SLC4A4: variants seen among roughly 807,000 people sequenced by gnomAD.
SLC4A4 encodes electrogenic sodium bicarbonate cotransporter 1.
SLC4A4 carries 27 observed loss-of-function variants against 111.5 expected under a neutral mutation model. That is an observed-to-expected ratio of 0.24 (90% CI 0.18 to 0.33). SLC4A4 has a LOEUF of 0.33. Ranked by LOEUF, SLC4A4 falls within the 10% of genes least tolerant of loss-of-function variation. The pLI is 1.00. For missense variants in SLC4A4, 909 were observed against 1,315.5 expected (o/e 0.69, Z 4.78); for synonymous variants, 443 against 463.4 (o/e 0.96, Z 0.57).
intron 15 of SLC4A4, among the ~76,000 whole-genome samples, chr4:71,493,338 G>A (rs760990602): frequency 6.6e-6 from 1 of 151,890 alleles, no homozygotes; most frequent in Non-Finnish European, 1.5e-5. Flanking sequence ...ACTCTAAATT[G>A]AAAGTTTATT....
chr4:71,478,977 A>G (rs1458997451), intron 14 of SLC4A4, among the ~76,000 whole-genome samples: 2 of 151,792 alleles, frequency 1.3e-5, no homozygotes, highest in Admixed American at 6.6e-5. Context: ...AGGCACATTA[A>G]TATTTTGAAA....
At chr4:71,469,349 G>T (rs1003743575) in intron 13 of SLC4A4, among the ~76,000 whole-genome samples, 1 of 151,492 alleles carries the variant, frequency 6.6e-6, no homozygotes, top group South Asian at 2.1e-4. Flanking sequence ...TTTTTAATTC[G>T]TCCATGATAT....
rs1034753687 is a variant in SLC4A4 at position 71,311,896 on chromosome 4, A to C, written c.254-27474A>C. Among the ~76,000 whole-genome samples, 1,218 of 145,492 alleles carry C rather than the reference A, an allele frequency of 8.4e-3. 17 individuals carry two copies. Among genetic ancestry groups the C allele is most frequent in the African/African-American group, 0.024 (922 of 38,812 alleles). On this transcript the variant is annotated intron_variant, in intron 3 of 25. Transcript: ENST00000264485. ...GAGCAAATGTGCAAGGCTGTGAGAG[A>C]GAGAGAGAGAGAGAGAGAGAGAGAG...
intron 6 of SLC4A4, among the ~76,000 whole-genome samples, chr4:71,374,557 G>T (rs2148938287): frequency 6.6e-6 from 1 of 152,106 alleles, no homozygotes; most frequent in East Asian, 1.9e-4. Context: ...TGTTTATCCT[G>T]AATTTATGAA....
intron 3 of SLC4A4, among the ~76,000 whole-genome samples, chr4:71,333,691 C>G (rs900045010): frequency 1.3e-5 from 2 of 152,178 alleles, no homozygotes; most frequent in Non-Finnish European, 2.9e-5. Flanking sequence ...CTTTAGGAAT[C>G]TATTTGGTAC....
chr4:71,457,599 T>C lies in SLC4A4; in HGVS notation c.1497+3930T>C, dbSNP rs1041302505. Among the ~76,000 whole-genome samples, 13 of 152,246 alleles carry C rather than the reference T, an allele frequency of 8.5e-5. No homozygotes were observed. The South Asian group carries it at 2.7e-3, about 32-fold the overall frequency. On this transcript the variant is annotated intron_variant, in intron 12 of 25. Transcript: ENST00000264485. ...TCCGAAGTCTGAGAATTATGTGACA[T>C]TCTTATTTTCCTTTTCTTATAGTAA...
chr4:71,356,314 G>A (rs544412916), intron 5 of SLC4A4, among the ~76,000 whole-genome samples: 8 of 151,776 alleles, frequency 5.3e-5, no homozygotes, highest in African/African-American at 1.9e-4. Flanking sequence ...TTTTTTTTTG[G>A]TAGTAAGACT....
intron 2 of SLC4A4, among the ~76,000 whole-genome samples, chr4:71,162,633 G>A (rs1453553073): frequency 6.6e-6 from 1 of 152,036 alleles, no homozygotes; most frequent in African/African-American, 2.4e-5. Context: ...AGGGGAGAGT[G>A]GATTAAAGAG....
chr4:71,145,365 A>T lies in SLC4A4; in HGVS notation c.-2+52573A>T, dbSNP rs545667505. 2.6e-5 allele frequency among the ~76,000 whole-genome samples: 4 copies of T among 152,104 alleles called. No individual in the cohort carries two copies. In the East Asian group the frequency reaches 7.7e-4, roughly 29 times the overall value. On this transcript the variant is annotated intron_variant, in intron 2 of 26. Coordinates refer to the SLC4A4 transcript ENST00000649996. Reference sequence around the variant, plus strand: ...TCAGTCTGCCAGTATTTTATTGAGGATTTTTGCATCAATGTTTATCAAGGA... The same window carrying T: ...TCAGTCTGCCAGTATTTTATTGAGGTTTTTTGCATCAATGTTTATCAAGGA...
intron 2 of SLC4A4, among the ~76,000 whole-genome samples, chr4:71,155,624 C>A (rs550112263): frequency 6.6e-6 from 1 of 152,098 alleles, no homozygotes; most frequent in East Asian, 1.9e-4. Flanking sequence ...TCACGCCCAG[C>A]TAATTATTAT....
At chr4:71,352,810 C>T (rs1240319135) in intron 5 of SLC4A4, among the ~76,000 whole-genome samples, 1 of 152,200 alleles carries the variant, frequency 6.6e-6, no homozygotes, top group South Asian at 2.1e-4. Context: ...TAGAGAGACA[C>T]TCAGTGACTT....
rs568179549 is a variant in SLC4A4, at chr4:71,504,187, G to A, written c.2166+6495G>A. 5.3e-5 allele frequency among the ~76,000 whole-genome samples: 8 copies of A among 152,214 alleles called. No homozygotes were observed. In the South Asian group the frequency reaches 1.7e-3, roughly 32 times the overall value. ...GGAACTTTTGAGCTTCTTGGATCAG[G>A]ACATCCATATTTCTCCCAAGACTTT... On this transcript the variant is annotated intron_variant, in intron 16 of 25. Transcript: ENST00000264485.
At chr4:71,207,876 A>G (rs1717864053) in intron 1 of SLC4A4, among the ~76,000 whole-genome samples, 1 of 152,112 alleles carries the variant, frequency 6.6e-6, no homozygotes, top group South Asian at 2.1e-4. Flanking sequence ...GCAGTAGTGC[A>G]ATCATAGCTC....
intron 3 of SLC4A4, among the ~76,000 whole-genome samples, chr4:71,308,461 CTGT>C (rs1392545702): frequency 2.0e-5 from 3 of 152,134 alleles, no homozygotes; most frequent in African/African-American, 7.2e-5. Context: ...GAGCTCCAGT[CTGT>C]AGCTCCCAGC....
chr4:71,430,359 C>A (rs1276956795), intron 7 of SLC4A4, among the ~76,000 whole-genome samples: 1 of 152,036 alleles, frequency 6.6e-6, no homozygotes, highest in Non-Finnish European at 1.5e-5. Context: ...CCATCCAAAG[C>A]AGAATTTTCT....
intron 2 of SLC4A4, among the ~76,000 whole-genome samples, chr4:71,254,281 A>G (rs1031421): frequency 0.71 from 107,721 of 152,142 alleles, 41,230 homozygotes; most frequent in Non-Finnish European, 0.87. Context: ...GAAGTTTTTC[A>G]ATTTAAAAAA....
intron 5 of SLC4A4, among the ~76,000 whole-genome samples, chr4:71,356,746 C>G (rs1730316376): frequency 6.6e-6 from 1 of 152,092 alleles, no homozygotes; most frequent in South Asian, 2.1e-4. Flanking sequence ...TATTGTGTTA[C>G]AGGATAATCT....
chr4:71,322,194 C>A (rs1000282269), intron 3 of SLC4A4, among the ~76,000 whole-genome samples: 1 of 151,914 alleles, frequency 6.6e-6, no homozygotes, highest in Admixed American at 6.6e-5. Context: ...TCCTTGAGGC[C>A]TCCATTCCTC....
Position 71,441,519 on chromosome 4 carries a change from TG to T in SLC4A4, c.965+752del, listed in dbSNP as rs530302475. ...ATATGAATAGGACTTTTTTTTGGGA[TG>T]GGGGGTGGGGGAGTTGTTTTCTGTG... On this transcript the variant is annotated intron_variant, in intron 8 of 25. Transcript: ENST00000264485. Among the ~76,000 whole-genome samples, 21 of 144,938 alleles carry T rather than the reference TG, an allele frequency of 1.4e-4. No homozygotes were observed. In the South Asian group the frequency reaches 3.5e-3, roughly 24 times the overall value.
Sources: gnomAD v4.1 joint callset for allele counts (sites outside exome capture counted in the v4.1 genomes callset) on GRCh38, gnomAD v4.1.1 for gene constraint, MANE v1.5 for transcripts, NCBI Gene and HGNC (gene_info 2026-07-23, HGNC 2026-07-21) for gene names.